MAG: variants seen among roughly 807,000 people sequenced by gnomAD.
MAG encodes the protein myelin-associated glycoprotein.
Under a neutral mutation model 60.7 loss-of-function variants are expected in MAG, and 30 were observed. The observed-to-expected ratio is 0.49, with a 90% CI of 0.37 to 0.67. The LOEUF is 0.67. Among genes scored for constraint, MAG ranks in the 30% least tolerant of loss-of-function variants. The probability of loss-of-function intolerance (pLI) is 0.00; values close to 1 mark genes in which losing one functional copy is unlikely to be tolerated. For missense variants in MAG, 795 were observed against 851.7 expected (o/e 0.93, Z 0.83); for synonymous variants, 384 against 376.8 (o/e 1.02, Z -0.22).
intron 4 of MAG, among the ~76,000 whole-genome samples, chr19:35,298,428 C>T (rs2066419394): frequency 6.7e-6 from 1 of 150,022 alleles, no homozygotes; most frequent in Admixed American, 6.6e-5. Context: ...ACACCACACA[C>T]ACAAACCACA....
chr19:35,295,166 G>A lies in MAG; in HGVS notation c.-23-220G>A, dbSNP rs187214475. On this transcript the variant is annotated intron_variant, in intron 2 of 10. Transcript: ENST00000392213. This position sits in a 1 kb window ranked among gnomAD's most constrained non-coding sequence, Gnocchi z 5.8. ...AGAAGCTGAGACAAGAGGATAACACGAGCTCAGGATTTTGAGGCTATAGTG... is the reference window on the plus strand; with the variant it reads ...AGAAGCTGAGACAAGAGGATAACACAAGCTCAGGATTTTGAGGCTATAGTG... Among the ~76,000 whole-genome samples the A allele has an allele frequency of 1.2e-4, 19 of 152,208 alleles. No individual in the cohort carries two copies. The highest frequency in any genetic ancestry group is 2.1e-4 in the Non-Finnish European group (14 of 68,018).
chr19:35,302,407 A>G, intron 6 of MAG, 41 bp from the exon 7 acceptor site: 1 of 1,603,790 alleles, frequency 6.2e-7, no homozygotes, highest in African/African-American at 1.3e-5. Flanking sequence ...CAGAAGAAGC[A>G]CCTCCTGGGT....
Position 35,295,596 on chromosome 19 carries a change from C to G in MAG, c.47-17C>G, listed in dbSNP as rs201985530. The G allele has an allele frequency of 3.8e-6, 6 of 1,596,318 alleles. No homozygotes were observed. Among genetic ancestry groups the G allele is most frequent in the Non-Finnish European group, 5.1e-6 (6 of 1,172,388 alleles). ...TAGGACGTGTCCCTGAGCCTCAGCT[C>G]TCCTGCTTGCCCGCAGCCTCCCGAG... On this transcript the variant is annotated splice_polypyrimidine_tract_variant and intron_variant, in intron 3 of 10. Coordinates refer to ENST00000392213, the MANE Select transcript of MAG (RefSeq NM_002361.4). The surrounding 1 kb of genome is among the most constrained non-coding windows in gnomAD (Gnocchi z 5.8).
chr19:35,293,851 G>A lies in MAG; in HGVS notation c.-79-384G>A, dbSNP rs2066376003. On this transcript the variant is annotated intron_variant, in intron 1 of 10. Transcript: ENST00000392213. This position sits in a 1 kb window ranked among gnomAD's most constrained non-coding sequence, Gnocchi z 4.0. ...GGCCGTCTGTGGGGTGGGAGAGGGC[G>A]GCAGGAATTCACGCGGCATGTCGGG... 6.6e-6 allele frequency among the ~76,000 whole-genome samples: 1 copy of A among 152,040 alleles called. No homozygotes were observed. Among genetic ancestry groups the A allele is most frequent in the South Asian group, 2.1e-4 (1 of 4,824 alleles).
chr19:35,304,368 A>G (rs1401051015), intron 7 of MAG, among the ~76,000 whole-genome samples: 1 of 152,084 alleles, frequency 6.6e-6, no homozygotes, highest in Non-Finnish European at 1.5e-5. Context: ...AGAGGAGCCG[A>G]TGGGAGTACT....
In MAG at chr19:35,310,104, T is replaced by A. The variant is rs769644135; in HGVS notation, c.1462T>A (p.Cys488Ser). ...GGCCCAGGCCCCGCCCCGCGTCATC[T>A]GCACCGCGAGGAACCTCTATGGCGC... ...GQAQAPPRVI[C>S]TARNLYGAKS... is the part of the protein sequence containing the mutation. The change falls in exon 8 of 11, where the codon TGC becomes AGC. Residue 488 changes from cysteine (C) to serine (S), a missense_variant. Cys to Ser is a moderately radical substitution (Grantham distance 112). Transcript: ENST00000392213. The A allele has an allele frequency of 1.2e-6, 2 of 1,612,522 alleles. No homozygotes were observed. The highest frequency in any genetic ancestry group is 1.7e-6 in the Non-Finnish European group (2 of 1,179,320).
chr19:35,313,249 C>A (rs1236831753), intron 10 of MAG, 41 bp from the exon 11 acceptor site: 3 of 1,577,128 alleles, frequency 1.9e-6, no homozygotes, highest in Non-Finnish European at 2.6e-6. Context: ...TGGGAAAAGG[C>A]AGGGAGCAGG....
chr19:35,301,452 A>C (rs1485720902), intron 6 of MAG, among the ~76,000 whole-genome samples: 1 of 45,424 alleles, frequency 2.2e-5, no homozygotes, highest in Non-Finnish European at 4.6e-5. Context: ...TTTTTTTTTG[A>C]GACAGAGTCT....
intron 10 of MAG, 54 bp downstream of exon 10, chr19:35,312,071 G>A: frequency 6.5e-7 from 1 of 1,549,878 alleles, no homozygotes; most frequent in Non-Finnish European, 8.9e-7. Context: ...GGACACTGAA[G>A]GCCTGGGAAA....
chr19:35,313,175 C>G (rs940961491), intron 10 of MAG, 115 bp from the exon 11 acceptor site: 2 of 1,158,862 alleles, frequency 1.7e-6, no homozygotes, highest in Non-Finnish European at 2.3e-6. Context: ...AGGAGGTTCT[C>G]GCAGGGATTT....
intron 7 of MAG, among the ~76,000 whole-genome samples, chr19:35,308,320 G>C (rs1485584771): frequency 6.6e-6 from 1 of 152,244 alleles, no homozygotes; most frequent in Admixed American, 6.5e-5. Context: ...GTGGGAGAAA[G>C]CTCCACGATT....
chr19:35,299,505 C>CG, intron 4 of MAG, 49 bp from the exon 5 acceptor site: 1 of 1,393,596 alleles, frequency 7.2e-7, no homozygotes, highest in Non-Finnish European at 9.9e-7. Context: ...GGACCGGGAC[C>CG]GTAGCCCAGT....
In MAG at chr19:35,295,556, G is replaced by A. The variant is rs2066389762; in HGVS notation, c.47-57G>A. ...GGCATGTGGTTGGGGATGGGAGCCG[G>A]AGGGGGTGATCGGGTAGGACGTGTC... On this transcript the variant is annotated intron_variant, in intron 3 of 10. Transcript: ENST00000392213. This position sits in a 1 kb window ranked among gnomAD's most constrained non-coding sequence, Gnocchi z 5.8. 2 of 1,599,382 alleles carry A rather than the reference G, an allele frequency of 1.3e-6. No individual in the cohort carries two copies. Among genetic ancestry groups the A allele is most frequent in the African/African-American group, 2.7e-5 (2 of 74,748 alleles).
intron 4 of MAG, among the ~76,000 whole-genome samples, chr19:35,298,263 A>G (rs2066417923): frequency 6.7e-6 from 1 of 149,556 alleles, no homozygotes; most frequent in African/African-American, 2.5e-5. Context: ...CACAACAAAC[A>G]TGCACAACAC....
At chr19:35,310,306 A>G in intron 8 of MAG, 145 bp downstream of exon 8, 1 of 1,199,452 alleles carries the variant, frequency 8.3e-7, no homozygotes, top group Non-Finnish European at 1.1e-6. Flanking sequence ...GTTGGAGAGG[A>G]GAAGCCGCCC....
Position 35,295,829 on chromosome 19 carries a change from G to C in MAG, c.263G>C (p.Arg88Pro). The C allele has an allele frequency of 6.2e-7, 1 of 1,613,834 alleles. No individual in the cohort carries two copies. The highest frequency in any genetic ancestry group is 8.5e-7 in the Non-Finnish European group (1 of 1,180,016). Residue 88 changes from arginine to proline, a missense_variant, in exon 4 of 11, where the codon CGC becomes CCC. Arg to Pro is a moderately radical substitution (Grantham distance 103). Coordinates refer to ENST00000392213, the MANE Select transcript of MAG (RefSeq NM_002361.4). This position sits in a 1 kb window ranked among gnomAD's most constrained non-coding sequence, Gnocchi z 5.8. ...GTAGTCCACGAGAGCTTCCAGGGCC[G>C]CAGCCGCCTCCTGGGGGACCTGGGC... ...TQVVHESFQG[R>P]SRLLGDLGLR...
Position 35,300,288 on chromosome 19 carries a change from C to G in MAG, c.854C>G (p.Ala285Gly). The change falls in exon 6 of 11, where the codon GCC becomes GGC. Residue 285 changes from alanine to glycine, a missense_variant. By Grantham distance (60) the Ala-to-Gly change is moderately conservative. Coordinates refer to ENST00000392213, the MANE Select transcript of MAG (RefSeq NM_002361.4). ...GGGACAGTCCTCCGGGAGGCGGTGG[C>G]CGAGAGCCTGCTCCTGGAGCTGGAG... ...RDGTVLREAV[A>G]ESLLLELEEV... 1 of 1,599,496 alleles carries G rather than the reference C, an allele frequency of 6.3e-7. No homozygotes were observed. The highest frequency in any genetic ancestry group is 8.5e-7 in the Non-Finnish European group (1 of 1,179,016).
At chr19:35,299,998 T>A in intron 5 of MAG, 148 bp downstream of exon 5, 1 of 105,636 alleles carries the variant, frequency 9.5e-6, no homozygotes, top group South Asian at 2.4e-4. Context: ...GGGGGTTGGG[T>A]GGGACGGGGG....
At chr19:35,296,048 AAGGCCTCCCCGCACCTTCCCC>A (rs1324937855) in intron 4 of MAG, 67 bp downstream of exon 4, 24 of 1,510,160 alleles carry the variant, frequency 1.6e-5, no homozygotes, top group Non-Finnish European at 1.9e-5. Flanking sequence ...GTGTGGCCGG[AAGGCCTCCCCGCACCTTCCCC>A]AGCAGGCCTG....
Sources: gnomAD v4.1 joint callset for allele counts (sites outside exome capture counted in the v4.1 genomes callset) on GRCh38, gnomAD v4.1.1 for gene constraint, Gnocchi (gnomAD v3.1) non-coding constraint, MANE v1.5 for transcripts, NCBI Gene and HGNC (gene_info 2026-07-23, HGNC 2026-07-21) for gene names.